PKN2: variants seen among roughly 807,000 people sequenced by gnomAD.
PKN2 encodes serine/threonine-protein kinase N2.
Under a neutral mutation model 119.1 loss-of-function variants are expected in PKN2, and 38 were observed. The ratio of observed to expected loss-of-function variants is 0.32; its 90% CI spans 0.25 to 0.42. PKN2 has a LOEUF of 0.42. Ranked by LOEUF, PKN2 falls within the 10% of genes least tolerant of loss-of-function variation. The pLI is 1.00. For synonymous variants in PKN2, 390 were observed against 384.9 expected (o/e 1.01, Z -0.15); for missense variants, 850 against 1,165.1 (o/e 0.73, Z 3.94).
At chr1:88,734,107 A>C (rs969586414) in intron 1 of PKN2, among the ~76,000 whole-genome samples, 3 of 151,944 alleles carry the variant, frequency 2.0e-5, no homozygotes, top group African/African-American at 4.8e-5. Flanking sequence ...GCTAATGAGC[A>C]ATGATTGTAC....
intron 1 of PKN2, among the ~76,000 whole-genome samples, chr1:88,724,873 C>T (rs894516350): frequency 6.9e-6 from 1 of 145,468 alleles, no homozygotes; most frequent in African/African-American, 2.7e-5. Flanking sequence ...TGCCCGCCCC[C>T]ACCCCTTGGT....
chr1:88,686,444 A>C (rs1666104651), intron 1 of PKN2, among the ~76,000 whole-genome samples: 2 of 152,124 alleles, frequency 1.3e-5, no homozygotes, highest in Non-Finnish European at 2.9e-5. Context: ...CAAGGAAGCA[A>C]GCAAAGAAGG....
At chr1:88,695,876 A>G (rs551404355) in intron 1 of PKN2, among the ~76,000 whole-genome samples, 2 of 152,090 alleles carry the variant, frequency 1.3e-5, no homozygotes, top group Non-Finnish European at 2.9e-5. Flanking sequence ...ATACTGTTGT[A>G]CCCTCAAATT....
intron 1 of PKN2, among the ~76,000 whole-genome samples, chr1:88,714,978 A>T (rs899136057): frequency 2.0e-5 from 3 of 152,214 alleles, no homozygotes; most frequent in Non-Finnish European, 4.4e-5. Flanking sequence ...TGTTTTTAGT[A>T]TGAAGCGCTG....
intron 6 of PKN2, among the ~76,000 whole-genome samples, chr1:88,784,274 C>A (rs542580615): frequency 4.0e-5 from 6 of 151,804 alleles, no homozygotes; most frequent in African/African-American, 1.4e-4. Flanking sequence ...CAGGCGCACA[C>A]CGCCTCGCCC....
rs555730829 is a variant in PKN2, at chr1:88,803,849, G to C, written c.1282-542G>C. Among the ~76,000 whole-genome samples the C allele has an allele frequency of 7.9e-5, 12 of 152,260 alleles. No homozygotes were observed. In the South Asian group the frequency reaches 2.5e-3, roughly 32 times the overall value. ...TACGCAGAATGGGTCTTGCTACCCA[G>C]TGGTATTCTTTTGAAAATTAAATGA... On this transcript the variant is annotated intron_variant, in intron 8 of 21. Transcript: ENST00000370521.
chr1:88,711,139 T>C (rs1464243367), intron 1 of PKN2, among the ~76,000 whole-genome samples: 2 of 152,116 alleles, frequency 1.3e-5, no homozygotes, highest in Non-Finnish European at 1.5e-5. Flanking sequence ...TGGAGCCTTT[T>C]GGAGGGTGGG....
chr1:88,740,072 T>C lies in PKN2; in HGVS notation c.49-916T>C, dbSNP rs189290764. Among the ~76,000 whole-genome samples, 126 of 152,268 alleles carry C rather than the reference T, an allele frequency of 8.3e-4. 1 individual carries two copies. Among genetic ancestry groups the C allele is most frequent in the Non-Finnish European group, 1.6e-4 (11 of 68,000 alleles). ...AGCAACTATTTACATACCACTTGTA[T>C]TGTGTATTATAAATAACTAGAGATT... On this transcript the variant is annotated intron_variant, in intron 1 of 21. Coordinates refer to ENST00000370521, the MANE Select transcript of PKN2 (RefSeq NM_006256.4).
At chr1:88,728,889 C>T (rs974679648) in intron 1 of PKN2, among the ~76,000 whole-genome samples, 12 of 149,146 alleles carry the variant, frequency 8.0e-5, no homozygotes, top group African/African-American at 3.1e-4. Flanking sequence ...TATTAACATC[C>T]CCATCTTTTT....
rs1383752542 is a variant in PKN2 at position 88,786,044 on chromosome 1, T to C, written c.1172-60T>C. 3.2e-6 allele frequency: 3 copies of C among 952,070 alleles called. No homozygotes were observed. The African/African-American group carries it at 4.9e-5, about 15-fold the overall frequency. The allele number at this position is 952,070 out of a possible 1,614,324, so 59.0% of individuals were successfully genotyped here. ...ACTTTTATTGCTAATCAAACAGCAG[T>C]ACTTCTGTTTTTTATAAAGGTTTAA... On this transcript the variant is annotated intron_variant, in intron 7 of 21. Coordinates refer to ENST00000370521, the MANE Select transcript of PKN2 (RefSeq NM_006256.4).
chr1:88,755,509 A>G (rs941488309), intron 2 of PKN2, among the ~76,000 whole-genome samples: 7 of 152,202 alleles, frequency 4.6e-5, no homozygotes, highest in Non-Finnish European at 1.0e-4. Flanking sequence ...TTTTATTTGT[A>G]AAATGAAGTT....
rs150212220 is a variant in PKN2 at position 88,781,130 on chromosome 1, A to G, written c.986-3509A>G. On this transcript the variant is annotated intron_variant, in intron 6 of 21. Transcript: ENST00000370521. ...ATACTACTGACATTAATAGAAGACT[A>G]CACATGACGAAAAGATGAACATGGA... is the stretch of plus-strand genomic sequence containing the variant. 8.6e-6 allele frequency: 11 copies of G among 1,275,490 alleles called. No homozygotes were observed. The African/African-American group carries it at 1.4e-4, about 16-fold the overall frequency. The allele number at this position is 1,275,490 out of a possible 1,614,324, so 79.0% of individuals were successfully genotyped here.
intron 8 of PKN2, among the ~76,000 whole-genome samples, chr1:88,797,492 A>G (rs756148147): frequency 6.6e-6 from 1 of 151,308 alleles, no homozygotes; most frequent in Non-Finnish European, 1.5e-5. Context: ...ATATACAAAA[A>G]TTAGCTGGAT....
chr1:88,748,100 C>CA (rs1231421994), intron 2 of PKN2, among the ~76,000 whole-genome samples: 3 of 151,842 alleles, frequency 2.0e-5, no homozygotes, highest in Non-Finnish European at 4.4e-5. Flanking sequence ...ATATATTTTC[C>CA]AAAAAAGTTA....
chr1:88,762,302 T>C (rs1669479297), intron 3 of PKN2, among the ~76,000 whole-genome samples: 1 of 152,256 alleles, frequency 6.6e-6, no homozygotes, highest in Admixed American at 6.5e-5. Context: ...ATGTCAATTT[T>C]GCATAGCTTT....
At chr1:88,816,347 A>G (rs1249532848) in intron 16 of PKN2, among the ~76,000 whole-genome samples, 1 of 152,018 alleles carries the variant, frequency 6.6e-6, no homozygotes, top group African/African-American at 2.4e-5. Flanking sequence ...CACAGGTTCA[A>G]GAGATTATCC....
At chr1:88,748,069 A>G (rs1357543436) in intron 2 of PKN2, among the ~76,000 whole-genome samples, 2 of 152,170 alleles carry the variant, frequency 1.3e-5, no homozygotes, top group East Asian at 3.8e-4. Context: ...TAGATTCCCT[A>G]ATACTTGAAT....
intron 1 of PKN2, among the ~76,000 whole-genome samples, chr1:88,697,204 A>G (rs1435308280): frequency 2.0e-5 from 3 of 152,196 alleles, no homozygotes; most frequent in African/African-American, 7.2e-5. Context: ...GGTAATTGTT[A>G]CATGTCTCTA....
At chr1:88,747,468 C>G (rs1668815041) in intron 2 of PKN2, among the ~76,000 whole-genome samples, 1 of 152,074 alleles carries the variant, frequency 6.6e-6, no homozygotes, top group Non-Finnish European at 1.5e-5. Context: ...GCTAAATGTA[C>G]CTTATGAAAA....
Sources: gnomAD v4.1 joint callset for allele counts (sites outside exome capture counted in the v4.1 genomes callset) on GRCh38, gnomAD v4.1.1 for gene constraint, MANE v1.5 for transcripts, NCBI Gene and HGNC (gene_info 2026-07-23, HGNC 2026-07-21) for gene names.